The following APP variants were observed in gnomAD, a reference collection of about 807,000 sequenced individuals.
The protein encoded by APP is amyloid beta precursor protein.
APP carries 31 observed loss-of-function variants against 101.4 expected under a neutral mutation model. That is an observed-to-expected ratio of 0.31 (90% CI 0.23 to 0.41). The LOEUF (loss-of-function observed/expected upper bound fraction) is 0.41. APP is among the 10% of genes least tolerant of loss of function. The pLI, the probability that APP is intolerant of heterozygous loss-of-function variation, is 1.00. For synonymous variants in APP, 366 were observed against 364.4 expected, an observed-to-expected ratio of 1.00 and a Z score of -0.05; for missense variants, 839 against 1,003.7, an observed-to-expected ratio of 0.84 and a Z score of 2.22.
At chr21:26,157,227 G>T (rs193127443) in intron 1 of APP, among the ~76,000 whole-genome samples, 1 of 151,942 alleles carries the variant, frequency 6.6e-6, no homozygotes, top group Admixed American at 6.6e-5. Flanking sequence ...GCACCACCAC[G>T]CTCGGCTGAT....
chr21:26,053,734 T>C (rs2045928888), intron 3 of APP, among the ~76,000 whole-genome samples: 1 of 152,174 alleles, frequency 6.6e-6, no homozygotes, highest in African/African-American at 2.4e-5. Flanking sequence ...TCAATATAAA[T>C]CCCTACTTTT....
chr21:26,035,312 C>G (rs889730798), intron 5 of APP, among the ~76,000 whole-genome samples: 3 of 152,038 alleles, frequency 2.0e-5, no homozygotes, highest in Non-Finnish European at 2.9e-5. Flanking sequence ...AAGATGGCAA[C>G]AAAACTGAGG....
chr21:25,981,747 T>C (rs4817076), intron 9 of APP, among the ~76,000 whole-genome samples: 35,741 of 126,962 alleles, frequency 0.28, 4,886 homozygotes, highest in East Asian at 0.47. Flanking sequence ...CAAAGTATAA[T>C]GAAAGGAGTA....
intron 13 of APP, among the ~76,000 whole-genome samples, chr21:25,918,300 T>C (rs1175144342): frequency 6.6e-6 from 1 of 152,140 alleles, no homozygotes; most frequent in Non-Finnish European, 1.5e-5. Context: ...AACGATAGAC[T>C]GGATAAAGAA....
chr21:25,937,098 C>T (rs1400666585), intron 13 of APP, among the ~76,000 whole-genome samples: 1 of 152,074 alleles, frequency 6.6e-6, no homozygotes, highest in African/African-American at 2.4e-5. Flanking sequence ...CACGCAAGTT[C>T]CCAAGTTCTT....
intron 17 of APP, among the ~76,000 whole-genome samples, chr21:25,882,878 G>A (rs1373755676): frequency 3.9e-5 from 6 of 152,160 alleles, no homozygotes; most frequent in Non-Finnish European, 8.8e-5. Flanking sequence ...GAATACTGCA[G>A]GCCCATTCCC....
intron 17 of APP, among the ~76,000 whole-genome samples, chr21:25,890,180 T>C (rs915664857): frequency 1.3e-5 from 2 of 152,206 alleles, no homozygotes; most frequent in Non-Finnish European, 2.9e-5. Context: ...TGCTGCCTGC[T>C]GTTCTCTTGG....
chr21:26,164,907 A>C (rs1021096451), intron 1 of APP, among the ~76,000 whole-genome samples: 1 of 152,058 alleles, frequency 6.6e-6, no homozygotes, highest in African/African-American at 2.4e-5. Context: ...AAAAGAAAAA[A>C]AAAAACTAGG....
chr21:25,901,306 A>AC, intron 15 of APP, among the ~76,000 whole-genome samples: 1 of 69,550 alleles, frequency 1.4e-5, no homozygotes, highest in African/African-American at 4.9e-5. Flanking sequence ...TAAAAAAAAA[A>AC]AAAAAAAAAA....
intron 8 of APP, among the ~76,000 whole-genome samples, chr21:25,992,577 T>A (rs938317972): frequency 6.6e-6 from 1 of 152,164 alleles, no homozygotes; most frequent in Non-Finnish European, 1.5e-5. Flanking sequence ...CCCTTCTTTT[T>A]AAAAAATGCT....
At chr21:26,149,026 G>T (rs773454098) in intron 1 of APP, among the ~76,000 whole-genome samples, 1 of 152,176 alleles carries the variant, frequency 6.6e-6, no homozygotes, top group Non-Finnish European at 1.5e-5. Flanking sequence ...ATTGGGAGGG[G>T]GAGAGAAGAC....
intron 13 of APP, among the ~76,000 whole-genome samples, chr21:25,920,144 G>T (rs1015270367): frequency 1.4e-5 from 2 of 145,798 alleles, no homozygotes; most frequent in African/African-American, 5.2e-5. Context: ...ATAAGTGAAG[G>T]AGAAATAAAA....
intron 1 of APP, among the ~76,000 whole-genome samples, chr21:26,136,169 A>AAAAG (rs138676290): frequency 0.024 from 2,234 of 92,016 alleles, 180 homozygotes; most frequent in Non-Finnish European, 0.033. Context: ...GAAAAGAAAG[A>AAAAG]AAAGAAAGAA....
At chr21:26,029,907 C>T (rs1185126369) in intron 5 of APP, among the ~76,000 whole-genome samples, 1 of 152,188 alleles carries the variant, frequency 6.6e-6, no homozygotes, top group African/African-American at 2.4e-5. Context: ...TCTCTCAACA[C>T]ATGCTCCTGT....
chr21:25,933,738 C>T (rs2040244507), intron 13 of APP: 1 of 151,938 alleles, frequency 6.6e-6, no homozygotes, highest in African/African-American at 2.4e-5. Flanking sequence ...CATTAATCAG[C>T]CTCAAGCAAA....
At chr21:26,075,703 G>A (rs2061486661) in intron 3 of APP, among the ~76,000 whole-genome samples, 1 of 152,138 alleles carries the variant, frequency 6.6e-6, no homozygotes, top group South Asian at 2.1e-4. Context: ...TGAATGTACA[G>A]ATATTTTTCT....
At chr21:26,004,470 T>G (rs2043434875) in intron 6 of APP, among the ~76,000 whole-genome samples, 2 of 151,716 alleles carry the variant, frequency 1.3e-5, no homozygotes, top group Non-Finnish European at 2.9e-5. Context: ...TTTTTCGATT[T>G]TTTAGTAGAC....
At chr21:26,033,872 T>C (rs899547586) in intron 5 of APP, among the ~76,000 whole-genome samples, 3 of 152,098 alleles carry the variant, frequency 2.0e-5, no homozygotes, top group Non-Finnish European at 4.4e-5. Context: ...AGTTGGAGAA[T>C]AGTTACTAAT....
intron 16 of APP, among the ~76,000 whole-genome samples, chr21:25,892,435 G>A (rs576278938): frequency 6.6e-6 from 1 of 150,636 alleles, no homozygotes; most frequent in South Asian, 2.1e-4. Context: ...AAACAAAGGA[G>A]TTAAACAATA....
Sources: allele counts gnomAD v4.1 joint callset (sites outside exome capture counted in the v4.1 genomes callset), GRCh38; gene constraint gnomAD v4.1.1; transcripts MANE v1.5; gene names NCBI Gene and HGNC (gene_info 2026-07-23, HGNC 2026-07-21).